The following TRPM3 variants were observed in gnomAD, a reference collection of about 807,000 sequenced individuals.
The protein encoded by TRPM3 is long transient receptor potential channel 3.
TRPM3 carries 77 observed loss-of-function variants against 181.2 expected under a neutral mutation model. The observed-to-expected ratio is 0.42, with a 90% CI of 0.35 to 0.51. The LOEUF (loss-of-function observed/expected upper bound fraction) is 0.51. Ranked by LOEUF, TRPM3 falls within the 20% of genes least tolerant of loss-of-function variation. The probability of loss-of-function intolerance (pLI) is 0.01; values close to 1 mark genes in which losing one functional copy is unlikely to be tolerated. For synonymous variants in TRPM3, 745 were observed against 796.4 expected (o/e 0.94, Z 1.09); for missense variants, 1,759 against 2,196.7 (o/e 0.80, Z 3.98).
At chr9:71,297,644 C>A (rs780625334) in intron 1 of TRPM3, among the ~76,000 whole-genome samples, 17 of 152,298 alleles carry the variant, frequency 1.1e-4, no homozygotes, top group Non-Finnish European at 2.5e-4. Context: ...GATTCAATTA[C>A]CTCCCACTGG....
At chr9:70,928,588 C>T (rs2096744123) in intron 1 of TRPM3, among the ~76,000 whole-genome samples, 1 of 152,146 alleles carries the variant, frequency 6.6e-6, no homozygotes, top group African/African-American at 2.4e-5. Flanking sequence ...TGACAATAAA[C>T]ATGGGATGAC....
intron 1 of TRPM3, among the ~76,000 whole-genome samples, chr9:71,196,048 T>C (rs910258739): frequency 1.3e-5 from 2 of 151,848 alleles, no homozygotes; most frequent in African/African-American, 4.8e-5. Flanking sequence ...GACGAAATAA[T>C]CTTTACATCA....
chr9:71,060,218 C>CG (rs2061156813), intron 1 of TRPM3, among the ~76,000 whole-genome samples: 1 of 152,026 alleles, frequency 6.6e-6, no homozygotes, highest in South Asian at 2.1e-4. Context: ...AGCTTTCTAC[C>CG]ATAACTGTGT....
intron 1 of TRPM3, among the ~76,000 whole-genome samples, chr9:70,885,283 T>C (rs752835751): frequency 1.2e-4 from 18 of 152,178 alleles, no homozygotes; most frequent in Non-Finnish European, 2.1e-4. Context: ...TTGTAGAATG[T>C]TTAGCAACAT....
At chr9:70,787,794 A>AT (rs1377058706) in intron 6 of TRPM3, among the ~76,000 whole-genome samples, 21 of 56,880 alleles carry the variant, frequency 3.7e-4, no homozygotes, top group African/African-American at 1.4e-3. Context: ...TTTGCTTTTT[A>AT]TTTTTTTATT....
intron 1 of TRPM3, among the ~76,000 whole-genome samples, chr9:71,325,086 T>A (rs906632511): frequency 1.3e-5 from 2 of 152,120 alleles, no homozygotes; most frequent in African/African-American, 4.8e-5. Context: ...GATGGGTACC[T>A]AAAATACCCT....
At chr9:71,302,107 G>A (rs373732818) in intron 1 of TRPM3, among the ~76,000 whole-genome samples, 6 of 151,836 alleles carry the variant, frequency 4.0e-5, no homozygotes, top group Admixed American at 1.3e-4. Flanking sequence ...ATTTAGTGTC[G>A]CAAATCAACA....
chr9:71,264,631 G>A (rs2083268739), intron 1 of TRPM3, among the ~76,000 whole-genome samples: 1 of 152,100 alleles, frequency 6.6e-6, no homozygotes. Flanking sequence ...ACAAACTCTT[G>A]TAAAATGGGC....
chr9:71,186,297 C>T (rs1439927059), intron 1 of TRPM3, among the ~76,000 whole-genome samples: 1 of 151,956 alleles, frequency 6.6e-6, no homozygotes, highest in African/African-American at 2.4e-5. Context: ...CATGTTTAGT[C>T]CCTAGGTTAT....
At chr9:71,185,803 A>T (rs2077643165) in intron 1 of TRPM3, among the ~76,000 whole-genome samples, 1 of 152,058 alleles carries the variant, frequency 6.6e-6, no homozygotes, top group Non-Finnish European at 1.5e-5. Flanking sequence ...GAGCCGGAGC[A>T]CCTTACATAG....
intron 8 of TRPM3, among the ~76,000 whole-genome samples, chr9:70,745,710 T>C (rs1198210098): frequency 6.6e-6 from 1 of 152,196 alleles, no homozygotes. Context: ...AGTAGGCCAA[T>C]TGAGCTTGTT....
intron 1 of TRPM3, among the ~76,000 whole-genome samples, chr9:71,209,977 C>G (rs2079383932): frequency 6.6e-6 from 1 of 152,148 alleles, no homozygotes; most frequent in South Asian, 2.1e-4. Flanking sequence ...CCAACTTCTG[C>G]TTTAGGGAAT....
intron 1 of TRPM3, among the ~76,000 whole-genome samples, chr9:71,286,089 T>C (rs561363310): frequency 6.6e-6 from 1 of 152,276 alleles, no homozygotes; most frequent in African/African-American, 2.4e-5. Flanking sequence ...GGGCTCCACA[T>C]CTGTTTGAGA....
intron 1 of TRPM3, among the ~76,000 whole-genome samples, chr9:70,967,023 A>C (rs1556764): frequency 0.34 from 44,904 of 134,032 alleles, 6,653 homozygotes; most frequent in East Asian, 0.38. Flanking sequence ...AAGCAAAAAC[A>C]AAACACAACA....
At chr9:71,300,586 ATGTT>A (rs1325371699) in intron 1 of TRPM3, among the ~76,000 whole-genome samples, 1 of 152,080 alleles carries the variant, frequency 6.6e-6, no homozygotes. Context: ...TTCCTTGTGT[ATGTT>A]TGTTTTTAAA....
Position 70,677,340 on chromosome 9 carries a change from C to A in TRPM3, c.1345+4166G>T, listed in dbSNP as rs539394803. On this transcript the variant is annotated intron_variant, in intron 9 of 25. Transcript: ENST00000677713. ...AATATGACTGCAAAACTGTCCTGAG[C>A]TGCTAATCTAAGCACACTGCCTATT... Among the ~76,000 whole-genome samples the A allele has an allele frequency of 5.4e-4, 83 of 152,378 alleles. No individual in the cohort carries two copies. The South Asian group carries it at 8.9e-3, about 16-fold the overall frequency.
intron 7 of TRPM3, among the ~76,000 whole-genome samples, chr9:70,772,574 C>T (rs974717986): frequency 3.3e-5 from 5 of 152,180 alleles, no homozygotes; most frequent in South Asian, 2.1e-4. Flanking sequence ...CCACCTGCCT[C>T]GGCATCCCGA....
chr9:70,807,624 T>C (rs746397090), intron 6 of TRPM3, among the ~76,000 whole-genome samples: 10 of 152,272 alleles, frequency 6.6e-5, no homozygotes, highest in Non-Finnish European at 1.3e-4. Flanking sequence ...GGCTAGGCAC[T>C]ATGCAAGGTT....
intron 1 of TRPM3, among the ~76,000 whole-genome samples, chr9:71,372,886 C>T (rs1012585213): frequency 3.9e-4 from 60 of 152,184 alleles, no homozygotes; most frequent in African/African-American, 1.4e-3. Flanking sequence ...GTAAAACACT[C>T]CTCAGCAAAT....
Sources: allele counts gnomAD v4.1 joint callset (sites outside exome capture counted in the v4.1 genomes callset), GRCh38; gene constraint gnomAD v4.1.1; transcripts MANE v1.5; gene names NCBI Gene and HGNC (gene_info 2026-07-23, HGNC 2026-07-21).